Variants in GALNS observed in about 807,000 individuals in gnomAD.
The protein encoded by GALNS is N-acetylgalactosamine-6-sulfatase.
A neutral mutation model predicts 65.9 loss-of-function variants in GALNS; 65 were observed. The ratio of observed to expected loss-of-function variants is 0.99; its 90% CI spans 0.81 to 1.21. GALNS has a LOEUF of 1.21. GALNS is among the 50% of genes most tolerant of loss of function. The pLI, the probability that GALNS is intolerant of heterozygous loss-of-function variation, is 0.00. For synonymous variants in GALNS, 346 were observed against 288.9 expected (o/e 1.20, Z -2.00); for missense variants, 776 against 700.7 (o/e 1.11, Z -1.21).
At chr16:88,856,080 T>C in intron 1 of GALNS, 1 of 672,378 alleles carries the variant, frequency 1.5e-6, no homozygotes, top group Non-Finnish European at 2.7e-6. Flanking sequence ...CATTCCTGAG[T>C]CTCCAGGTGG....
At chr16:88,829,860 C>T (rs964125484) in intron 9 of GALNS, among the ~76,000 whole-genome samples, 1 of 152,226 alleles carries the variant, frequency 6.6e-6, no homozygotes, top group African/African-American at 2.4e-5. Flanking sequence ...ACGCAGGCCG[C>T]TCATCAGCGA....
intron 7 of GALNS, 126 bp from the exon 8 acceptor site, chr16:88,835,478 G>A: frequency 7.3e-7 from 1 of 1,364,494 alleles, no homozygotes; most frequent in Non-Finnish European, 1.0e-6. Context: ...CAGTGAAACT[G>A]GCCGGCCTCT....
chr16:88,816,283 G>A, intron 13 of GALNS: 1 of 985,454 alleles, frequency 1.0e-6, no homozygotes, highest in Non-Finnish European at 1.2e-6. Flanking sequence ...AGCCACTGCA[G>A]CCTGGGTCGT....
Position 88,835,718 on chromosome 16 carries a change from G to C in GALNS, c.758+7C>G, listed in dbSNP as rs201788720. ...CGAGGTCTATGCTCCATGGAGCCAG[G>C]ACTCACCGCCCTCGCTGACTGGTGC... On this transcript the variant is annotated splice_region_variant and intron_variant, in intron 7 of 13. Transcript: ENST00000268695. 6.2e-7 allele frequency: 1 copy of C among 1,613,924 alleles called. No homozygotes were observed. The highest frequency in any genetic ancestry group is 2.2e-5 in the East Asian group (1 of 44,878).
intron 2 of GALNS, 114 bp from the exon 3 acceptor site, chr16:88,842,085 G>C (rs1272658103): frequency 1.1e-6 from 1 of 914,290 alleles, no homozygotes; most frequent in Non-Finnish European, 1.8e-6. Flanking sequence ...GCACGCGCAG[G>C]TTTACAAGGG....
intron 1 of GALNS, chr16:88,855,630 A>G (rs1421646806): frequency 3.3e-6 from 2 of 614,968 alleles, no homozygotes; most frequent in Non-Finnish European, 5.8e-6. Flanking sequence ...TTTCAAGTAT[A>G]TCTTTATGTT....
chr16:88,855,155 C>T, intron 1 of GALNS: 3 of 620,540 alleles, frequency 4.8e-6, no homozygotes, highest in South Asian at 3.2e-5. Flanking sequence ...TTTTATTTAA[C>T]CCAACATAAC....
chr16:88,852,256 C>T (rs1156492481), intron 1 of GALNS, among the ~76,000 whole-genome samples: 7 of 152,208 alleles, frequency 4.6e-5, no homozygotes, highest in Non-Finnish European at 1.0e-4. Flanking sequence ...TGGAGTGGAC[C>T]TTCAGCAAAC....
At chr16:88,821,923 A>G (rs11076719) in intron 12 of GALNS, among the ~76,000 whole-genome samples, 46,184 of 151,844 alleles carry the variant, frequency 0.3, 7,359 homozygotes, top group East Asian at 0.58. Context: ...GGAATTGGGG[A>G]CCTGCTCATC....
intron 9 of GALNS, among the ~76,000 whole-genome samples, chr16:88,829,809 C>T (rs1178044829): frequency 6.6e-6 from 1 of 152,230 alleles, no homozygotes; most frequent in East Asian, 1.9e-4. Flanking sequence ...CCTGGGCCTT[C>T]AGGCGCGCGA....
intron 1 of GALNS, among the ~76,000 whole-genome samples, chr16:88,852,796 A>G (rs1441695483): frequency 6.6e-6 from 1 of 152,204 alleles, no homozygotes; most frequent in Non-Finnish European, 1.5e-5. Context: ...GTGATTGAAG[A>G]TCAAATTAAT....
intron 6 of GALNS, 107 bp downstream of exon 6, chr16:88,836,094 G>C (rs931623923): frequency 8.4e-7 from 1 of 1,184,174 alleles, no homozygotes; most frequent in Non-Finnish European, 1.2e-6. Flanking sequence ...TGCCTCCCAC[G>C]GGGTGAGGTT....
intron 7 of GALNS, 128 bp from the exon 8 acceptor site, chr16:88,835,480 C>T: frequency 3.7e-6 from 5 of 1,346,798 alleles, no homozygotes; most frequent in East Asian, 2.4e-5. Context: ...GTGAAACTGG[C>T]CGGCCTCTTC....
chr16:88,855,992 C>T lies in GALNS; in HGVS notation c.120+766G>A, dbSNP rs113424850. ...GCTGAGGTTCAAGAATGGAAGTGAC[C>T]CCCAAGCTTGGAGACAGTAGGGTTT... is the stretch of plus-strand genomic sequence containing the variant. On this transcript the variant is annotated intron_variant, in intron 1 of 13. Coordinates refer to ENST00000268695, the MANE Select transcript of GALNS (RefSeq NM_000512.5). The T allele has an allele frequency of 6.1e-3, 3,656 of 595,220 alleles. 24 individuals are homozygous for T. The highest frequency in any genetic ancestry group is 0.015 in the Middle Eastern group (36 of 2,432). The allele number at this position is 595,220 out of a possible 1,614,324, so 36.9% of individuals were successfully genotyped here.
intron 1 of GALNS, 119 bp downstream of exon 1, chr16:88,856,639 G>A (rs1230947784): frequency 2.2e-5 from 8 of 370,176 alleles, no homozygotes; most frequent in Non-Finnish European, 4.2e-5. Context: ...TCCCCAAGGG[G>A]CCTCCCCTCA....
At chr16:88,835,586 T>C (rs2143001303) in intron 7 of GALNS, 139 bp downstream of exon 7, 1 of 1,385,336 alleles carries the variant, frequency 7.2e-7, no homozygotes, top group Non-Finnish European at 1.0e-6. Flanking sequence ...CCCAGGCCAG[T>C]GGACGGCTTC....
intron 13 of GALNS, chr16:88,817,543 C>T (rs879630226): frequency 5.9e-5 from 58 of 984,540 alleles, no homozygotes; most frequent in Non-Finnish European, 6.8e-5. Context: ...CCAGCCCACC[C>T]GGGACCCACC....
chr16:88,813,999 A>C lies in GALNS; in HGVS notation c.*440T>G. 1 of 273,018 alleles carries C rather than the reference A, an allele frequency of 3.7e-6. No homozygotes were observed. Among genetic ancestry groups the C allele is most frequent in the South Asian group, 4.0e-5 (1 of 25,286 alleles). 16.9% of individuals were successfully genotyped at this position (273,018 alleles called of 1,614,324 possible). A position where few individuals can be genotyped will look rare whatever the true frequency, so the allele number is the denominator to read the frequency against. On this transcript the variant is annotated 3_prime_UTR_variant, in exon 14 of 14. Transcript: ENST00000268695. Reference sequence around the variant, plus strand: ...ATTCAGTGGAAGGCTGACTGAACCAATGTACGCCATACACATACTGATCTT... The same window carrying C: ...ATTCAGTGGAAGGCTGACTGAACCACTGTACGCCATACACATACTGATCTT...
chr16:88,827,765 T>G (rs543423264), intron 9 of GALNS, among the ~76,000 whole-genome samples: 42 of 152,212 alleles, frequency 2.8e-4, no homozygotes, highest in African/African-American at 9.9e-4. Flanking sequence ...ACTCGGGGGC[T>G]CCAGGCTTGG....
Sources: gnomAD v4.1 joint callset for allele counts (sites outside exome capture counted in the v4.1 genomes callset) on GRCh38, gnomAD v4.1.1 for gene constraint, MANE v1.5 for transcripts, NCBI Gene and HGNC (gene_info 2026-07-23, HGNC 2026-07-21) for gene names.